FSTL5: variants seen among roughly 807,000 people sequenced by gnomAD.
The protein encoded by FSTL5 is follistatin-related protein 5.
A neutral mutation model predicts 89.1 loss-of-function variants in FSTL5; 62 were observed. The ratio of observed to expected loss-of-function variants is 0.70; its 90% confidence interval spans 0.57 to 0.86. The LOEUF (loss-of-function observed/expected upper bound fraction) is 0.86. Ranked by LOEUF, FSTL5 falls within the 40% of genes least tolerant of loss-of-function variation. The pLI is 0.00. For synonymous variants in FSTL5, 383 were observed against 346.2 expected (o/e 1.11, Z -1.18); for missense variants, 1,057 against 1,001.6 (o/e 1.06, Z -0.75).
chr4:161,774,481 T>C (rs997389349), intron 5 of FSTL5, among the ~76,000 whole-genome samples: 1 of 152,130 alleles, frequency 6.6e-6, no homozygotes, highest in Non-Finnish European at 1.5e-5. Flanking sequence ...GCTTGAAACA[T>C]GTATGAGTAA....
chr4:162,132,836 T>G (rs994787165), intron 1 of FSTL5, among the ~76,000 whole-genome samples: 4 of 152,374 alleles, frequency 2.6e-5, no homozygotes, highest in Admixed American at 2.6e-4. Flanking sequence ...GCCTGGAAAC[T>G]ATAAACTCTC....
intron 7 of FSTL5, among the ~76,000 whole-genome samples, chr4:161,590,956 T>C (rs1560968773): frequency 6.6e-6 from 1 of 152,226 alleles, no homozygotes; most frequent in Non-Finnish European, 1.5e-5. Context: ...TATACTATTG[T>C]ATGCAAATGT....
In FSTL5 at chr4:161,538,227, A is replaced by G; in HGVS notation, c.1251T>C (p.Asn417=). The G allele has an allele frequency of 6.2e-7, 1 of 1,614,046 alleles. No homozygotes were observed. The highest frequency in any genetic ancestry group is 8.5e-7 in the Non-Finnish European group (1 of 1,179,950). Reference sequence around the variant, plus strand: ...AGATGTCTTCATCCACTCCTGCTTCATTCTTTGCGATACAAGTGTATGCTC... The same window carrying G: ...AGATGTCTTCATCCACTCCTGCTTCGTTCTTTGCGATACAAGTGTATGCTC... ...DTGAYTCIAK[N]EAGVDEDISS... The change falls in exon 10 of 16, where the codon AAT becomes AAC. Residue 417 remains asparagine, a synonymous_variant. Transcript: ENST00000306100.
In FSTL5 at chr4:161,465,973, T is replaced by C. The variant is rs375648142; in HGVS notation, c.1609-6654A>G. Among the ~76,000 whole-genome samples the C allele has an allele frequency of 7.0e-4, 106 of 152,322 alleles. 2 individuals carry two copies. In the South Asian group the frequency reaches 0.02, roughly 29 times the overall value. ...CAATTAATAGTAGTGATTTATACAT[T>C]GAAGTTCTAGAATCTACATTTCTTA... On this transcript the variant is annotated intron_variant, in intron 13 of 15. Transcript: ENST00000306100.
intron 3 of FSTL5, among the ~76,000 whole-genome samples, chr4:161,947,197 G>A (rs1332643359): frequency 6.6e-6 from 1 of 151,484 alleles, no homozygotes; most frequent in Non-Finnish European, 1.5e-5. Context: ...GTTTGCCTAT[G>A]CCTATTAAAT....
At chr4:161,931,408 A>G (rs563323010) in intron 3 of FSTL5, among the ~76,000 whole-genome samples, 1 of 152,020 alleles carries the variant, frequency 6.6e-6, no homozygotes, top group East Asian at 1.9e-4. Flanking sequence ...GAAAGAGAAG[A>G]GACAAAGAGG....
chr4:161,525,811 T>A (rs531509491), intron 10 of FSTL5, among the ~76,000 whole-genome samples: 1 of 152,300 alleles, frequency 6.6e-6, no homozygotes, highest in African/African-American at 2.4e-5. Flanking sequence ...GTCTTGGTAA[T>A]ATGCAACTTT....
intron 10 of FSTL5, among the ~76,000 whole-genome samples, chr4:161,536,671 CCTT>C (rs1269011866): frequency 2.0e-5 from 3 of 152,108 alleles, no homozygotes; most frequent in African/African-American, 7.2e-5. Context: ...TCCTGTTAAA[CCTT>C]CTCCTAAAAT....
chr4:162,052,603 G>A (rs1429083441), intron 2 of FSTL5, among the ~76,000 whole-genome samples: 2 of 151,712 alleles, frequency 1.3e-5, no homozygotes, highest in East Asian at 1.9e-4. Context: ...AGTTTTCTGT[G>A]GCAATTCATG....
intron 12 of FSTL5, among the ~76,000 whole-genome samples, chr4:161,485,196 C>T (rs935138600): frequency 6.6e-6 from 1 of 152,152 alleles, no homozygotes; most frequent in Admixed American, 6.5e-5. Flanking sequence ...TGTTGCTGAT[C>T]CCATGTTAGT....
chr4:161,543,095 TATAA>T (rs1201002369), intron 8 of FSTL5, among the ~76,000 whole-genome samples: 5 of 151,994 alleles, frequency 3.3e-5, no homozygotes, highest in Non-Finnish European at 7.4e-5. Context: ...AATTCAGTTA[TATAA>T]ATAAATAAAT....
intron 8 of FSTL5, among the ~76,000 whole-genome samples, chr4:161,561,837 A>T (rs574683843): frequency 6.6e-6 from 1 of 152,112 alleles, no homozygotes; most frequent in Admixed American, 6.6e-5. Flanking sequence ...GCAGAAGAAA[A>T]ATTAAAGTCA....
chr4:161,937,208 T>C (rs894185515), intron 3 of FSTL5, among the ~76,000 whole-genome samples: 5 of 151,164 alleles, frequency 3.3e-5, no homozygotes, highest in Admixed American at 1.3e-4. Context: ...AGCCAATAAA[T>C]GAAATAAAAA....
chr4:162,014,161 G>A (rs146854823), intron 3 of FSTL5, among the ~76,000 whole-genome samples: 101 of 152,258 alleles, frequency 6.6e-4, no homozygotes, highest in Admixed American at 2.6e-3. Flanking sequence ...TGCAGAGGCT[G>A]GAGTCATCAG....
intron 8 of FSTL5, among the ~76,000 whole-genome samples, chr4:161,549,210 T>C (rs1732113796): frequency 6.6e-6 from 1 of 151,844 alleles, no homozygotes; most frequent in African/African-American, 2.4e-5. Flanking sequence ...AATAGTGCTG[T>C]GATGTTGAGT....
intron 4 of FSTL5, among the ~76,000 whole-genome samples, chr4:161,807,141 A>G (rs1481310057): frequency 6.6e-6 from 1 of 151,768 alleles, no homozygotes; most frequent in African/African-American, 2.4e-5. Context: ...ATGTTGATTA[A>G]TTTGAATGAT....
intron 2 of FSTL5, among the ~76,000 whole-genome samples, chr4:162,041,166 TG>T (rs937691398): frequency 3.2e-5 from 4 of 126,584 alleles, no homozygotes; most frequent in African/African-American, 9.2e-5. Flanking sequence ...TGTGAGAAGG[TG>T]GGAACTGAAG....
intron 12 of FSTL5, among the ~76,000 whole-genome samples, chr4:161,497,957 GTATC>G (rs1268353966): frequency 6.6e-6 from 1 of 151,286 alleles, no homozygotes; most frequent in Non-Finnish European, 1.5e-5. Context: ...ATTTTTCTCT[GTATC>G]TATTAATATA....
At chr4:161,662,844 T>C (rs888778476) in intron 6 of FSTL5, among the ~76,000 whole-genome samples, 4 of 152,100 alleles carry the variant, frequency 2.6e-5, no homozygotes, top group African/African-American at 9.7e-5. Flanking sequence ...GATAAAGACA[T>C]ACCTGAGACT....
Sources: allele counts gnomAD v4.1 joint callset (sites outside exome capture counted in the v4.1 genomes callset), GRCh38; gene constraint gnomAD v4.1.1; transcripts MANE v1.5; gene names NCBI Gene and HGNC (gene_info 2026-07-23, HGNC 2026-07-21).